Variants in HEY2 observed in about 807,000 individuals in gnomAD.
HEY2 encodes hes related family bHLH transcription factor with YRPW motif 2, also known as hairy/enhancer-of-split related with YRPW motif protein 2.
HEY2 carries 10 observed loss-of-function variants against 18.1 expected under a neutral mutation model. The observed-to-expected ratio is 0.55, with a 90% CI of 0.34 to 0.94. The LOEUF is 0.94. Ranked by LOEUF, HEY2 falls within the 40% of genes least tolerant of loss-of-function variation. HEY2 has a pLI of 0.02. For missense variants in HEY2, 455 were observed against 455.9 expected (o/e 1.00, Z 0.02); for synonymous variants, 210 against 182.7 (o/e 1.15, Z -1.21).
intron 3 of HEY2, among the ~76,000 whole-genome samples, chr6:125,754,059 AT>A (rs1234902494): frequency 1.3e-5 from 2 of 152,204 alleles, no homozygotes; most frequent in Non-Finnish European, 2.9e-5. Flanking sequence ...TGGAGTTGTT[AT>A]GCAACTCCTC....
Position 125,751,814 on chromosome 6 carries a change from T to G in HEY2, c.97T>G (p.Ser33Ala). 6.2e-7 allele frequency: 1 copy of G among 1,611,822 alleles called. No homozygotes were observed. Among genetic ancestry groups the G allele is most frequent in the Non-Finnish European group, 8.5e-7 (1 of 1,177,994 alleles). Residue 33 changes from serine to alanine, a missense_variant, in exon 2 of 5, where the codon TCT becomes GCT. Physicochemically the swap from Ser to Ala is moderately conservative, Grantham distance 99. Transcript: ENST00000368364. ...ENNYSGQSTS[S>A]VIRLNSPTTT... ...CTTATTTCATAGGCAAAGTACTAGC[T>G]CTGTGATTAGATTGAATTCTCCAAC...
rs11969768 is a variant in HEY2, at chr6:125,756,540, C to G, written c.328+1994C>G. Among the ~76,000 whole-genome samples the G allele has an allele frequency of 3.0e-3, 462 of 152,182 alleles. 1 individual carries two copies. Among genetic ancestry groups the G allele is most frequent in the Middle Eastern group, 0.027 (8 of 294 alleles). Reference sequence around the variant, plus strand: ...CGAGATCGCGCCATTGCACTCCAGCCTGGGCAATAAGAGTGAAACTCCATC... The same window carrying G: ...CGAGATCGCGCCATTGCACTCCAGCGTGGGCAATAAGAGTGAAACTCCATC... On this transcript the variant is annotated intron_variant, in intron 4 of 4. Coordinates refer to ENST00000368364, the MANE Select transcript of HEY2 (RefSeq NM_012259.3).
rs1308459457 is a variant in HEY2 at position 125,751,852 on chromosome 6, G to C, written c.135G>C (p.Gln45His). Residue 45 changes from glutamine to histidine, a missense_variant, in exon 2 of 5, where the codon CAG (glutamine) becomes CAC (histidine). Gln to His is a conservative substitution (Grantham distance 24, BLOSUM62 0). Coordinates refer to ENST00000368364, the MANE Select transcript of HEY2 (RefSeq NM_012259.3). ...IRLNSPTTTS[Q>H]IMARKKRRGI... is the part of the protein sequence containing the mutation. The stretch of plus-strand genomic sequence containing the variant: ...TGAATTCTCCAACAACAACATCTCA[G>C]ATTATGGCAAGAAAGAAAAGGAGAG... The C allele has an allele frequency of 1.2e-6, 2 of 1,613,640 alleles. No homozygotes were observed. Among genetic ancestry groups the C allele is most frequent in the Non-Finnish European group, 8.5e-7 (1 of 1,179,628 alleles).
intron 4 of HEY2, among the ~76,000 whole-genome samples, chr6:125,758,318 A>G (rs1037860603): frequency 2.0e-5 from 3 of 152,206 alleles, no homozygotes; most frequent in Non-Finnish European, 4.4e-5. Context: ...TGACAAAATT[A>G]ATATACATTT....
chr6:125,750,759 T>C (rs532565997), intron 1 of HEY2, among the ~76,000 whole-genome samples: 16 of 152,162 alleles, frequency 1.1e-4, no homozygotes, highest in Admixed American at 4.6e-4. Context: ...AAAAATGAGG[T>C]CTGAAAAACA....
chr6:125,750,326 G>GT (rs1426226159), intron 1 of HEY2: 2 of 985,308 alleles, frequency 2.0e-6, no homozygotes, highest in Non-Finnish European at 2.4e-6. Context: ...GGCTACGTAG[G>GT]TTGAACTTTG....
chr6:125,753,956 C>T (rs1003152112), intron 3 of HEY2, among the ~76,000 whole-genome samples: 1 of 152,070 alleles, frequency 6.6e-6, no homozygotes, highest in Non-Finnish European at 1.5e-5. Flanking sequence ...TACCTTATTT[C>T]AGGACTTAGT....
Position 125,749,711 on chromosome 6 carries a change from G to C in HEY2, c.-66G>C. 1 of 1,278,050 alleles carries C rather than the reference G, an allele frequency of 7.8e-7. No homozygotes were observed. The highest frequency in any genetic ancestry group is 1.1e-6 in the Non-Finnish European group (1 of 919,870). 79.2% of individuals were successfully genotyped at this position (1,278,050 alleles called of 1,614,324 possible). Reference sequence around the variant, plus strand: ...CCGGGGAGGGAGGAGGCGGGCGTCAGGGTGCTGCGCCCCGCTCGGCGTCCG... The same window carrying C: ...CCGGGGAGGGAGGAGGCGGGCGTCACGGTGCTGCGCCCCGCTCGGCGTCCG... On this transcript the variant is annotated 5_prime_UTR_variant, in exon 1 of 5. Transcript: ENST00000368364.
chr6:125,754,592 T>G, intron 4 of HEY2, 46 bp downstream of exon 4: 1 of 1,067,208 alleles, frequency 9.4e-7, no homozygotes, highest in African/African-American at 1.6e-5. Flanking sequence ...TTTTTTACCT[T>G]TCTCTTTTCA....
rs531916278 is a variant in HEY2, at chr6:125,752,031, C to T, written c.187C>T (p.Arg63Trp). ...GATTATAGAGAAAAGGCGTCGGGAT[C>T]GGATAAATAACAGTTTATCTGAGTT... The part of the protein sequence containing the change: ...RGIIEKRRRD[R>W]INNSLSELRR... The change falls in exon 3 of 5, where the codon CGG becomes TGG. Residue 63 changes from arginine to tryptophan, a missense_variant. Physicochemically the swap from Arg to Trp is moderately radical, Grantham distance 101. Coordinates refer to ENST00000368364, the MANE Select transcript of HEY2 (RefSeq NM_012259.3). 1.9e-6 allele frequency: 3 copies of T among 1,613,656 alleles called. No individual in the cohort carries two copies. Among genetic ancestry groups the T allele is most frequent in the Admixed American group, 1.7e-5 (1 of 60,000 alleles).
chr6:125,750,453 T>G, intron 1 of HEY2: 1 of 961,804 alleles, frequency 1.0e-6, no homozygotes, highest in Non-Finnish European at 1.2e-6. Flanking sequence ...GGCGTCGTAA[T>G]CACAGAAGCC....
Position 125,759,477 on chromosome 6 carries a change from C to A in HEY2, c.689C>A (p.Thr230Lys), listed in dbSNP as rs568746911. Residue 230 changes from threonine to lysine, a missense_variant, in exon 5 of 5, where the codon ACG (threonine) becomes AAG (lysine). Transcript: ENST00000368364. ...PAHGSALLTA[T>K]FAHADSALRM... ...CACGGCTCTGCTCTCCTCACGGCCA[C>A]GTTTGCCCATGCGGATTCAGCCCTC... 1 of 1,611,548 alleles carries A rather than the reference C, an allele frequency of 6.2e-7. No homozygotes were observed. The highest frequency in any genetic ancestry group is 1.3e-5 in the African/African-American group (1 of 75,062).
Position 125,759,650 on chromosome 6 carries a change from A to T in HEY2, c.862A>T (p.Met288Leu). 2 of 1,611,314 alleles carry T rather than the reference A, an allele frequency of 1.2e-6. No individual in the cohort carries two copies. Among genetic ancestry groups the T allele is most frequent in the Non-Finnish European group, 1.7e-6 (2 of 1,179,900 alleles). The change falls in exon 5 of 5, where the codon ATG becomes TTG. Residue 288 changes from methionine (M) to leucine (L), a missense_variant. Coordinates refer to ENST00000368364, the MANE Select transcript of HEY2 (RefSeq NM_012259.3). ...FPLSFAGAFPMLPPNAAAAVA... is the reference protein window; with the variant it reads ...FPLSFAGAFPLLPPNAAAAVA... ...TCTGTCCTTCGCGGGGGCATTCCCC[A>T]TGCTTCCCCCAAACGCAGCAGCAGC...
chr6:125,754,877 C>A (rs1340189460), intron 4 of HEY2, among the ~76,000 whole-genome samples: 2 of 152,158 alleles, frequency 1.3e-5, no homozygotes, highest in East Asian at 1.9e-4. Flanking sequence ...GAACAAAAAA[C>A]AAACACACAA....
rs144406333 is a variant in HEY2 at position 125,759,331 on chromosome 6, C to G, written c.543C>G (p.His181Gln). The change falls in exon 5 of 5, where the codon CAC becomes CAG. Residue 181 changes from histidine (H) to glutamine (Q), a missense_variant. Coordinates refer to ENST00000368364, the MANE Select transcript of HEY2 (RefSeq NM_012259.3). The stretch of plus-strand genomic sequence containing the variant: ...TGGCCCACCACCATCATCCGCTCCA[C>G]CCGCATCACTGGGCCGCCGCCTTCC... ...SSMAHHHHPL[H>Q]PHHWAAAFHH... is the part of the protein sequence containing the mutation. 5.6e-6 allele frequency: 9 copies of G among 1,605,034 alleles called. No individual in the cohort carries two copies. Among genetic ancestry groups the G allele is most frequent in the Admixed American group, 1.7e-5 (1 of 59,828 alleles).
At position 125,751,819 on chromosome 6, in the gene HEY2, GATTAGA is replaced by G; in HGVS notation, c.103_108del (p.Ile35_Arg36del). ...TTCATAGGCAAAGTACTAGCTCTGT[GATTAGA>G]TTGAATTCTCCAACAACAACATCTC... is the stretch of plus-strand genomic sequence containing the variant. On this transcript the variant is annotated inframe_deletion, in exon 2 of 5. Coordinates refer to ENST00000368364, the MANE Select transcript of HEY2 (RefSeq NM_012259.3). 1 of 1,612,652 alleles carries G rather than the reference GATTAGA, an allele frequency of 6.2e-7. No individual in the cohort carries two copies. Among genetic ancestry groups the G allele is most frequent in the Non-Finnish European group, 8.5e-7 (1 of 1,178,744 alleles).
Position 125,749,738 on chromosome 6 carries a change from G to C in HEY2, c.-39G>C, listed in dbSNP as rs1439174905. On this transcript the variant is annotated 5_prime_UTR_variant, in exon 1 of 5. Coordinates refer to ENST00000368364, the MANE Select transcript of HEY2 (RefSeq NM_012259.3). ...GTGCTGCGCCCCGCTCGGCGTCCGA[G>C]CTTCCGGCCGGGCTGTGCCCCGCGC... The C allele has an allele frequency of 6.6e-7, 1 of 1,519,232 alleles. No individual in the cohort carries two copies. Among genetic ancestry groups the C allele is most frequent in the African/African-American group, 1.4e-5 (1 of 72,102 alleles). The allele number at this position is 1,519,232 out of a possible 1,614,324, so 94.1% of individuals were successfully genotyped here.
chr6:125,754,668 G>T, intron 4 of HEY2, 122 bp downstream of exon 4: 1 of 477,670 alleles, frequency 2.1e-6, no homozygotes, highest in Non-Finnish European at 3.7e-6. Context: ...TGAGATAGGA[G>T]GCCCCAGATT....
intron 1 of HEY2, chr6:125,750,323 T>A: frequency 5.1e-6 from 5 of 985,378 alleles, no homozygotes; most frequent in Non-Finnish European, 6.0e-6. Flanking sequence ...CAAGGCTACG[T>A]AGGTTGAACT....
Sources: allele counts gnomAD v4.1 joint callset (sites outside exome capture counted in the v4.1 genomes callset), GRCh38; gene constraint gnomAD v4.1.1; transcripts MANE v1.5; gene names NCBI Gene and HGNC (gene_info 2026-07-23, HGNC 2026-07-21).